PUM2: variants seen among roughly 807,000 people sequenced by gnomAD.
PUM2 encodes pumilio RNA binding family member 2, also known as pumilio homolog 2.
In PUM2, 57 loss-of-function variants were observed where a neutral mutation model predicts 124.5. The observed-to-expected ratio is 0.46, with a 90% CI of 0.37 to 0.57. The LOEUF (loss-of-function observed/expected upper bound fraction) is 0.57. Among genes scored for constraint, PUM2 ranks in the 20% least tolerant of loss-of-function variants. The pLI, the probability that PUM2 is intolerant of heterozygous loss-of-function variation, is 0.00. For missense variants in PUM2, 1,065 were observed against 1,290.6 expected, an observed-to-expected ratio of 0.83 and a Z score of 2.68; for synonymous variants, 460 against 446.1, an observed-to-expected ratio of 1.03 and a Z score of -0.39.
chr2:20,261,394 C>CAAA (rs200294801), intron 14 of PUM2, among the ~76,000 whole-genome samples: 1,033 of 76,414 alleles, frequency 0.014, 243 homozygotes, highest in Non-Finnish European at 0.02. Flanking sequence ...ACTCTGTCTC[C>CAAA]AAAAAAAAAA....
intron 2 of PUM2, among the ~76,000 whole-genome samples, 193 bp from the exon 3 acceptor site, chr2:20,318,838 A>T (rs1681623695): frequency 6.6e-6 from 1 of 152,180 alleles, no homozygotes; most frequent in Non-Finnish European, 1.5e-5. Flanking sequence ...TGGTGCTAGT[A>T]ATTCTAGACC....
rs1011985732 is a variant in PUM2, at chr2:20,350,778, C to T, written c.-200G>A. 93 of 980,458 alleles carry T rather than the reference C, an allele frequency of 9.5e-5. No individual in the cohort carries two copies. The highest frequency in any genetic ancestry group is 6.2e-4 in the Admixed American group (10 of 16,046). 60.7% of individuals were successfully genotyped at this position (980,458 alleles called of 1,614,324 possible). A position where few individuals can be genotyped will look rare whatever the true frequency, so the allele number is the denominator to read the frequency against. ...TCCTCCCCCTCCTCCTCCGAACCAC[C>T]GAAGTACCGAGGGTGAGACACAGAG... On this transcript the variant is annotated 5_prime_UTR_variant, in exon 1 of 21. Coordinates refer to ENST00000361078, the MANE Select transcript of PUM2 (RefSeq NM_015317.5).
At chr2:20,350,466 C>T (rs1359388767) in intron 1 of PUM2, 131 bp downstream of exon 1, 3 of 983,004 alleles carry the variant, frequency 3.1e-6, no homozygotes, top group Non-Finnish European at 3.6e-6. Context: ...CGCACCGGCC[C>T]GGGCACTCAG....
At position 20,250,971 on chromosome 2, in the gene PUM2, G is replaced by A. The variant is rs1663158699; in HGVS notation, c.*614C>T. 6.6e-6 allele frequency: 1 copy of A among 152,496 alleles called. No homozygotes were observed. The highest frequency in any genetic ancestry group is 2.1e-4 in the South Asian group (1 of 4,824). The allele number at this position is 152,496 out of a possible 1,614,324, so 9.4% of individuals were successfully genotyped here. A position where few individuals can be genotyped will look rare whatever the true frequency, so the allele number is the denominator to read the frequency against. ...TAAAACCACATCTACTGTAAATAAT[G>A]TTAGGTTCTTTTCATCTCAAACCAC... On this transcript the variant is annotated 3_prime_UTR_variant, in exon 21 of 21. Coordinates refer to ENST00000361078, the MANE Select transcript of PUM2 (RefSeq NM_015317.5).
intron 10 of PUM2, among the ~76,000 whole-genome samples, chr2:20,286,032 G>A (rs1672641145): frequency 6.6e-6 from 1 of 152,308 alleles, no homozygotes; most frequent in Middle Eastern, 3.4e-3. Flanking sequence ...GAGAGACGGA[G>A]CAAAGAGTAA....
At chr2:20,318,419 G>A in intron 3 of PUM2, 118 bp downstream of exon 3, 1 of 816,062 alleles carries the variant, frequency 1.2e-6, no homozygotes, top group Non-Finnish European at 1.9e-6. Context: ...CTGGGCAATA[G>A]CGCAAAACTA....
At chr2:20,267,026 C>CTTTTTTTTTTTTTTTTTT (rs373222999) in intron 13 of PUM2, among the ~76,000 whole-genome samples, 2 of 142,810 alleles carry the variant, frequency 1.4e-5, no homozygotes, top group African/African-American at 5.1e-5. Context: ...ATGCCTGTAA[C>CTTTTTTTTTTTTTTTTTT]TTTTTTTTTT....
At position 20,284,430 on chromosome 2, in the gene PUM2, A is replaced by G. The variant is rs530206605; in HGVS notation, c.1292-944T>C. ...GAGCACAGTGGCATAATCATAGCTC[A>G]CTGCTGCCTCAAACTCCTGGGCTTA... On this transcript the variant is annotated intron_variant, in intron 10 of 20. Coordinates refer to ENST00000361078, the MANE Select transcript of PUM2 (RefSeq NM_015317.5). Among the ~76,000 whole-genome samples, 31 of 152,192 alleles carry G rather than the reference A, an allele frequency of 2.0e-4. No homozygotes were observed. The East Asian group carries it at 5.8e-3, about 28-fold the overall frequency.
intron 20 of PUM2, among the ~76,000 whole-genome samples, chr2:20,252,600 T>C (rs1177598267): frequency 7.1e-6 from 1 of 141,634 alleles, no homozygotes; most frequent in Non-Finnish European, 1.6e-5. Flanking sequence ...AAAATAAGTG[T>C]TTTTTTCAGT....
At chr2:20,284,398 T>C (rs1271254587) in intron 10 of PUM2, among the ~76,000 whole-genome samples, 2 of 152,188 alleles carry the variant, frequency 1.3e-5, no homozygotes, top group African/African-American at 4.8e-5. Flanking sequence ...CTCTGTTGTC[T>C]AGGCTGGAGC....
chr2:20,342,339 C>T (rs958224151), intron 1 of PUM2, among the ~76,000 whole-genome samples: 2 of 152,190 alleles, frequency 1.3e-5, no homozygotes, highest in Admixed American at 1.3e-4. Context: ...TTGTCCAATA[C>T]ATTTCAGGTA....
intron 10 of PUM2, among the ~76,000 whole-genome samples, chr2:20,286,042 A>C (rs2148938337): frequency 6.6e-6 from 1 of 152,228 alleles, no homozygotes; most frequent in East Asian, 1.9e-4. Flanking sequence ...GCAAAGAGTA[A>C]GACAGGCAAC....
chr2:20,336,746 A>ATGTGTG (rs1491533264), intron 1 of PUM2, among the ~76,000 whole-genome samples: 5 of 87,382 alleles, frequency 5.7e-5, no homozygotes, highest in East Asian at 6.2e-4. Context: ...GCCCAGGCTG[A>ATGTGTG]TCTGTGTGTG....
At chr2:20,310,751 A>G (rs879806529) in intron 5 of PUM2, among the ~76,000 whole-genome samples, 3 of 152,034 alleles carry the variant, frequency 2.0e-5, no homozygotes, top group African/African-American at 4.8e-5. Flanking sequence ...AAGACCTCAA[A>G]GAAACAACTC....
chr2:20,349,482 G>A (rs556946163), intron 1 of PUM2, among the ~76,000 whole-genome samples: 1 of 151,450 alleles, frequency 6.6e-6, no homozygotes, highest in South Asian at 2.1e-4. Context: ...TTAAAAGGAG[G>A]CTAGGAAGAG....
chr2:20,316,659 G>A (rs1248452453), intron 3 of PUM2, among the ~76,000 whole-genome samples: 1 of 152,170 alleles, frequency 6.6e-6, no homozygotes, highest in Non-Finnish European at 1.5e-5. Flanking sequence ...TGAGGCAGGA[G>A]GATCACTTGA....
intron 9 of PUM2, among the ~76,000 whole-genome samples, chr2:20,293,940 CT>C (rs1674861366): frequency 1.3e-5 from 2 of 151,852 alleles, no homozygotes; most frequent in Non-Finnish European, 2.9e-5. Context: ...TAAAGCTAAC[CT>C]TTAGTGAAAA....
intron 1 of PUM2, among the ~76,000 whole-genome samples, chr2:20,331,394 C>A (rs1297144035): frequency 2.0e-5 from 3 of 151,984 alleles, no homozygotes; most frequent in African/African-American, 7.2e-5. Flanking sequence ...TACTGTTATC[C>A]TAATAGCTAA....
intron 2 of PUM2, among the ~76,000 whole-genome samples, chr2:20,325,236 T>C (rs983328009): frequency 1.3e-5 from 2 of 152,172 alleles, no homozygotes; most frequent in African/African-American, 4.8e-5. Flanking sequence ...CTTAAACTGT[T>C]AAGAAATAAA....
Sources: gnomAD v4.1 joint callset for allele counts (sites outside exome capture counted in the v4.1 genomes callset) on GRCh38, gnomAD v4.1.1 for gene constraint, MANE v1.5 for transcripts, NCBI Gene and HGNC (gene_info 2026-07-23, HGNC 2026-07-21) for gene names.